Variants in SEMA5A observed in about 807,000 individuals in gnomAD.
SEMA5A encodes the protein semaphorin 5A.
SEMA5A carries 55 observed loss-of-function variants against 135.5 expected under a neutral mutation model. The observed-to-expected ratio is 0.41, with a 90% CI of 0.33 to 0.51. The LOEUF is 0.51. Among genes scored for constraint, SEMA5A ranks in the 20% least tolerant of loss-of-function variants. The pLI is 0.37. For missense variants in SEMA5A, 1,290 were observed against 1,419.9 expected (o/e 0.91, Z 1.47); for synonymous variants, 580 against 546.5 (o/e 1.06, Z -0.85).
chr5:9,144,376 G>A (rs749567190), intron 12 of SEMA5A, among the ~76,000 whole-genome samples: 2 of 152,174 alleles, frequency 1.3e-5, no homozygotes, highest in Non-Finnish European at 2.9e-5. Context: ...CCTTAAAAGG[G>A]CATAAGTCCA....
At chr5:9,233,467 C>T (rs1747740575) in intron 6 of SEMA5A, among the ~76,000 whole-genome samples, 1 of 151,952 alleles carries the variant, frequency 6.6e-6, no homozygotes, top group South Asian at 2.1e-4. Context: ...CCCACCCCCA[C>T]TTTTTTTCCC....
At chr5:9,397,588 T>A (rs1022365250) in intron 2 of SEMA5A, among the ~76,000 whole-genome samples, 1 of 152,218 alleles carries the variant, frequency 6.6e-6, no homozygotes, top group Admixed American at 6.5e-5. Context: ...TTCTGAGATA[T>A]ATGGCTTTGC....
intron 16 of SEMA5A, among the ~76,000 whole-genome samples, chr5:9,067,587 TAAAA>T (rs1444373395): frequency 4.6e-5 from 7 of 152,104 alleles, no homozygotes; most frequent in African/African-American, 1.7e-4. Context: ...TATCATAAAA[TAAAA>T]TAAAATAAAA....
intron 19 of SEMA5A, among the ~76,000 whole-genome samples, chr5:9,052,555 T>C (rs906200038): frequency 5.9e-5 from 9 of 152,190 alleles, no homozygotes; most frequent in South Asian, 2.1e-4. Flanking sequence ...TTACTTTCTT[T>C]TCTGTTATAA....
intron 5 of SEMA5A, among the ~76,000 whole-genome samples, chr5:9,296,907 A>C (rs76724284): frequency 6.7e-6 from 1 of 150,042 alleles, no homozygotes; most frequent in African/African-American, 2.4e-5. Flanking sequence ...GATCTCAAAA[A>C]AAAAAAAAAA....
At chr5:9,083,666 A>T (rs1738520307) in intron 16 of SEMA5A, among the ~76,000 whole-genome samples, 2 of 152,088 alleles carry the variant, frequency 1.3e-5, no homozygotes, top group African/African-American at 4.8e-5. Flanking sequence ...CATCTATACC[A>T]TGTGCAAGAA....
At chr5:9,138,152 T>C (rs767591453) in intron 12 of SEMA5A, among the ~76,000 whole-genome samples, 17 of 152,190 alleles carry the variant, frequency 1.1e-4, no homozygotes, top group Non-Finnish European at 1.8e-4. Flanking sequence ...CAACTACCTG[T>C]TCCTATAACC....
At chr5:9,169,677 T>C (rs1332686531) in intron 11 of SEMA5A, among the ~76,000 whole-genome samples, 3 of 152,136 alleles carry the variant, frequency 2.0e-5, no homozygotes, top group Admixed American at 6.5e-5. Context: ...CTTCAACACA[T>C]AGAGCAACTT....
rs139264832 is a variant in SEMA5A, at chr5:9,106,192, A to G, written c.2073+1948T>C. On this transcript the variant is annotated intron_variant, in intron 16 of 22. Transcript: ENST00000382496. ...AAACAAAAAGAAAAACAAACCTTTAAATTTCCCAAAAAGTGACAATAGTCT... is the reference window on the plus strand; with the variant it reads ...AAACAAAAAGAAAAACAAACCTTTAGATTTCCCAAAAAGTGACAATAGTCT... Among the ~76,000 whole-genome samples the G allele has an allele frequency of 2.8e-3, 424 of 152,336 alleles. 1 individual carries two copies. Among genetic ancestry groups the G allele is most frequent in the Non-Finnish European group, 4.3e-3 (292 of 68,036 alleles).
At chr5:9,196,376 A>C (rs1745384874) in intron 10 of SEMA5A, among the ~76,000 whole-genome samples, 1 of 152,208 alleles carries the variant, frequency 6.6e-6, no homozygotes, top group Non-Finnish European at 1.5e-5. Flanking sequence ...GTGAAAATGC[A>C]GCAAGATGTC....
At chr5:9,543,321 G>A (rs1163985893) in intron 1 of SEMA5A, among the ~76,000 whole-genome samples, 1 of 152,134 alleles carries the variant, frequency 6.6e-6, no homozygotes, top group African/African-American at 2.4e-5. Context: ...TATTTATTTC[G>A]GTCTCGTGGT....
rs191999774 is a variant in SEMA5A, at chr5:9,142,014, G to A, written c.1482-5393C>T. 7.2e-5 allele frequency among the ~76,000 whole-genome samples: 11 copies of A among 152,292 alleles called. No homozygotes were observed. The East Asian group carries it at 9.6e-4, about 13-fold the overall frequency. On this transcript the variant is annotated intron_variant, in intron 12 of 22. Transcript: ENST00000382496. ...ATGTATCAATTCAGCACATACTTAC[G>A]AGCACTTGCTATGAAGTCAACTTTG...
chr5:9,388,250 A>C (rs1755982480), intron 2 of SEMA5A, among the ~76,000 whole-genome samples: 1 of 152,206 alleles, frequency 6.6e-6, no homozygotes, highest in South Asian at 2.1e-4. Flanking sequence ...CTTCTTTTAT[A>C]TCTCCCTTCA....
rs370371970 is a variant in SEMA5A at position 9,305,710 on chromosome 5, A to G, written c.270+12662T>C. ...GTATATATACTGTGTGTGTGTGCGT[A>G]TATATATATATATATATTTACACGC... On this transcript the variant is annotated intron_variant, in intron 5 of 22. Coordinates refer to ENST00000382496, the MANE Select transcript of SEMA5A (RefSeq NM_003966.3). Among the ~76,000 whole-genome samples, 225 of 99,958 alleles carry G rather than the reference A, an allele frequency of 2.3e-3. 1 individual carries two copies. Among genetic ancestry groups the G allele is most frequent in the African/African-American group, 8.2e-3 (171 of 20,850 alleles). The allele number at this position is 99,958 out of a possible 152,430, so 65.6% of individuals were successfully genotyped here.
intron 5 of SEMA5A, among the ~76,000 whole-genome samples, chr5:9,290,432 A>G (rs902821394): frequency 6.6e-5 from 10 of 151,964 alleles, no homozygotes; most frequent in Non-Finnish European, 1.3e-4. Context: ...TTCTTTATCT[A>G]CTTGTTGACT....
chr5:9,096,554 CTG>C (rs56202626), intron 16 of SEMA5A, among the ~76,000 whole-genome samples: 46,967 of 144,312 alleles, frequency 0.33, 8,661 homozygotes, highest in Non-Finnish European at 0.44. Context: ...TAATATTCCA[CTG>C]TGTGTGTGTG....
intron 16 of SEMA5A, among the ~76,000 whole-genome samples, chr5:9,085,876 C>T (rs1448479005): frequency 6.6e-6 from 1 of 152,172 alleles, no homozygotes; most frequent in Non-Finnish European, 1.5e-5. Context: ...GGAGGCTGTA[C>T]CCTGCAAAGC....
At chr5:9,245,195 G>A (rs1040190422) in intron 5 of SEMA5A, among the ~76,000 whole-genome samples, 12 of 152,102 alleles carry the variant, frequency 7.9e-5, no homozygotes, top group African/African-American at 2.7e-4. Context: ...GCTCCATCCT[G>A]CCTGCGGAAA....
In SEMA5A at chr5:9,063,078, C is replaced by T. The variant is rs752911650; in HGVS notation, c.2327G>A (p.Gly776Glu). ...GTTGACCGTGTGGGCAGAGTATCTC[C>T]CAGCACGCAGGAAATCCCCAGAAAG... Reference protein sequence around the residue: ...DGLSGDFLRAGRYSAHTVNGA... With the variant: ...DGLSGDFLRAERYSAHTVNGA... Residue 776 changes from glycine (G) to glutamate (E), a missense_variant, in exon 18 of 23, where the codon GGG becomes GAG. Around this residue, in one of 3 missense-constraint regions of SEMA5A, gnomAD observed 1,029 missense variants for 1,086.6 expected, o/e 0.95. Transcript: ENST00000382496. 6.8e-6 allele frequency: 11 copies of T among 1,613,798 alleles called. No individual in the cohort carries two copies. Among genetic ancestry groups the T allele is most frequent in the Admixed American group, 1.7e-5 (1 of 59,978 alleles).
Sources: allele counts gnomAD v4.1 joint callset (sites outside exome capture counted in the v4.1 genomes callset), GRCh38; gene constraint gnomAD v4.1.1; regional missense constraint gnomAD v4.1.1; transcripts MANE v1.5; gene names NCBI Gene and HGNC (gene_info 2026-07-23, HGNC 2026-07-21).